The following MGAT4C variants were observed in gnomAD, a reference collection of about 807,000 sequenced individuals.
The protein encoded by MGAT4C is MGAT4 family member C, also known as alpha-1,3-mannosyl-glycoprotein 4-beta-N-acetylglucosaminyltransferase C.
In MGAT4C, 19 loss-of-function variants were observed where a neutral mutation model predicts 40.1. The observed-to-expected ratio is 0.47, with a 90% CI of 0.33 to 0.70. The LOEUF (loss-of-function observed/expected upper bound fraction) is 0.70. Among genes scored for constraint, MGAT4C ranks in the 30% least tolerant of loss-of-function variants. The pLI, the probability that MGAT4C is intolerant of heterozygous loss-of-function variation, is 0.02. For missense variants in MGAT4C, 491 were observed against 563.2 expected, an observed-to-expected ratio of 0.87 and a Z score of 1.30; for synonymous variants, 181 against 187.1, an observed-to-expected ratio of 0.97 and a Z score of 0.27.
intron 2 of MGAT4C, among the ~76,000 whole-genome samples, chr12:86,651,322 G>T (rs531890517): frequency 6.6e-6 from 1 of 151,696 alleles, no homozygotes. Flanking sequence ...TCATTGATAT[G>T]CCTGGCATGA....
At chr12:85,997,490 C>T (rs1164971688) in intron 2 of MGAT4C, among the ~76,000 whole-genome samples, 1 of 152,132 alleles carries the variant, frequency 6.6e-6, no homozygotes, top group Non-Finnish European at 1.5e-5. Context: ...CGAGACAAGG[C>T]AAGTACCTTC....
chr12:86,764,478 A>G (rs1425547147), intron 1 of MGAT4C, among the ~76,000 whole-genome samples: 1 of 151,284 alleles, frequency 6.6e-6, no homozygotes, highest in Non-Finnish European at 1.5e-5. Context: ...CTGCAGACTT[A>G]AATGTCCCTG....
chr12:86,653,994 C>T (rs561625923), intron 2 of MGAT4C, among the ~76,000 whole-genome samples: 1 of 151,838 alleles, frequency 6.6e-6, no homozygotes, highest in African/African-American at 2.4e-5. Flanking sequence ...TAAAAACAAG[C>T]AAATGTTACA....
At chr12:86,046,562 G>A (rs1422500775) in intron 2 of MGAT4C, among the ~76,000 whole-genome samples, 1 of 152,114 alleles carries the variant, frequency 6.6e-6, no homozygotes, top group Non-Finnish European at 1.5e-5. Context: ...AGCCCAGATT[G>A]AATTACCAGG....
At chr12:86,765,646 C>T (rs112479889) in intron 1 of MGAT4C, among the ~76,000 whole-genome samples, 1 of 152,168 alleles carries the variant, frequency 6.6e-6, no homozygotes, top group Admixed American at 6.5e-5. Context: ...AAGAGAAGCC[C>T]ATCAGACTAA....
intron 1 of MGAT4C, among the ~76,000 whole-genome samples, chr12:86,747,748 T>C (rs1003411539): frequency 6.6e-6 from 1 of 151,560 alleles, no homozygotes; most frequent in Non-Finnish European, 1.5e-5. Flanking sequence ...TAGTCTTTTA[T>C]GTTCAGTGGT....
At chr12:86,577,381 T>C (rs1593004201) in intron 2 of MGAT4C, among the ~76,000 whole-genome samples, 1 of 151,880 alleles carries the variant, frequency 6.6e-6, no homozygotes, top group African/African-American at 2.4e-5. Context: ...CTTGTCATGC[T>C]CCAGAACTTA....
intron 1 of MGAT4C, among the ~76,000 whole-genome samples, chr12:86,082,990 A>G (rs2135547754): frequency 6.6e-6 from 1 of 152,176 alleles, no homozygotes; most frequent in Middle Eastern, 3.4e-3. Context: ...GTTTGTTTCA[A>G]AGACAACTCA....
intron 1 of MGAT4C, among the ~76,000 whole-genome samples, chr12:86,128,885 A>C (rs1409823213): frequency 6.6e-6 from 1 of 152,130 alleles, no homozygotes; most frequent in Non-Finnish European, 1.5e-5. Flanking sequence ...TCATTCTCCT[A>C]CATGTGGCTA....
chr12:86,748,578 C>T (rs1340457508), intron 1 of MGAT4C, among the ~76,000 whole-genome samples: 2 of 151,614 alleles, frequency 1.3e-5, no homozygotes, highest in Non-Finnish European at 3.0e-5. Context: ...AACTGGAGGC[C>T]ATGCTGAATT....
intron 1 of MGAT4C, among the ~76,000 whole-genome samples, chr12:86,777,481 G>A (rs1164516549): frequency 6.6e-6 from 1 of 152,084 alleles, no homozygotes; most frequent in Non-Finnish European, 1.5e-5. Context: ...AAAGTGTCCT[G>A]GCGTGGTCTC....
intron 2 of MGAT4C, chr12:86,001,953 T>G (rs1887348646): frequency 6.6e-6 from 1 of 152,186 alleles, no homozygotes; most frequent in Non-Finnish European, 1.5e-5. Flanking sequence ...TTTGGGAAAC[T>G]GAAGATTTTC....
At chr12:86,756,503 A>T (rs1951306030) in intron 1 of MGAT4C, among the ~76,000 whole-genome samples, 1 of 151,994 alleles carries the variant, frequency 6.6e-6, no homozygotes, top group Admixed American at 6.6e-5. Context: ...TTTTCCTAGG[A>T]ATTCTACATT....
chr12:86,131,203 A>G (rs965179498), intron 1 of MGAT4C, among the ~76,000 whole-genome samples: 2 of 152,082 alleles, frequency 1.3e-5, no homozygotes, highest in Admixed American at 6.5e-5. Flanking sequence ...AATAATATCT[A>G]TCTCTTAGTC....
At chr12:86,004,068 T>C (rs1353367217) in intron 2 of MGAT4C, among the ~76,000 whole-genome samples, 1 of 152,148 alleles carries the variant, frequency 6.6e-6, no homozygotes, top group Non-Finnish European at 1.5e-5. Context: ...TGAAATCTTG[T>C]TTTTGAACTG....
intron 1 of MGAT4C, among the ~76,000 whole-genome samples, chr12:86,132,791 C>CAAAAAAAAAAA (rs60321690): frequency 3.2e-5 from 3 of 93,704 alleles, no homozygotes; most frequent in Admixed American, 1.3e-4. Flanking sequence ...GACTCCGTCT[C>CAAAAAAAAAAA]AAAAAAAAAA....
At chr12:86,076,625 T>G (rs537419056) in intron 1 of MGAT4C, among the ~76,000 whole-genome samples, 20 of 152,234 alleles carry the variant, frequency 1.3e-4, no homozygotes, top group Non-Finnish European at 2.9e-4. Flanking sequence ...AAAAGCCACT[T>G]CTTACAGGGC....
intron 2 of MGAT4C, among the ~76,000 whole-genome samples, chr12:86,441,751 G>T (rs745735779): frequency 8.9e-4 from 136 of 152,014 alleles, no homozygotes; most frequent in Non-Finnish European, 1.6e-3. Flanking sequence ...AATCATTAAT[G>T]GACATTTGGG....
At chr12:86,697,412 G>A (rs370518258) in intron 2 of MGAT4C, among the ~76,000 whole-genome samples, 1 of 151,838 alleles carries the variant, frequency 6.6e-6, no homozygotes, top group African/African-American at 2.4e-5. Context: ...ATTTTTCTAA[G>A]TCTAAATTTC....
Sources: gnomAD v4.1 joint callset for allele counts (sites outside exome capture counted in the v4.1 genomes callset) on GRCh38, gnomAD v4.1.1 for gene constraint, MANE v1.5 for transcripts, NCBI Gene and HGNC (gene_info 2026-07-23, HGNC 2026-07-21) for gene names.